PRKAG2: variants seen among roughly 807,000 people sequenced by gnomAD.
PRKAG2 encodes 5'-AMP-activated protein kinase subunit gamma-2.
In PRKAG2, 26 loss-of-function variants were observed where a neutral mutation model predicts 69.6. That is an observed-to-expected ratio of 0.37 (90% CI 0.27 to 0.52). PRKAG2 has a LOEUF of 0.52. Among genes scored for constraint, PRKAG2 ranks in the 20% least tolerant of loss-of-function variants. PRKAG2 has a pLI of 0.90. For missense variants in PRKAG2, 557 were observed against 740.0 expected, an observed-to-expected ratio of 0.75 and a Z score of 2.87; for synonymous variants, 293 against 285.0, an observed-to-expected ratio of 1.03 and a Z score of -0.28.
chr7:151,702,254 A>C (rs529769462), intron 3 of PRKAG2, among the ~76,000 whole-genome samples: 30 of 152,372 alleles, frequency 2.0e-4, no homozygotes, highest in African/African-American at 7.2e-4. Context: ...GGGGTAGCCC[A>C]GTTGCATCTT....
At chr7:151,760,432 C>T (rs1025642365) in intron 3 of PRKAG2, among the ~76,000 whole-genome samples, 2 of 152,164 alleles carry the variant, frequency 1.3e-5, no homozygotes, top group African/African-American at 4.8e-5. Flanking sequence ...CGGGGCTTCA[C>T]CATGTTGGCC....
At chr7:151,580,120 G>T (rs1016513946) in intron 6 of PRKAG2, among the ~76,000 whole-genome samples, 1 of 152,186 alleles carries the variant, frequency 6.6e-6, no homozygotes, top group African/African-American at 2.4e-5. Context: ...AAGGTGGGGG[G>T]ATCACTTGAG....
chr7:151,573,493 A>G (rs1040906367), intron 8 of PRKAG2, among the ~76,000 whole-genome samples: 5 of 150,908 alleles, frequency 3.3e-5, no homozygotes, highest in Admixed American at 6.6e-5. Context: ...ATCTACAGAT[A>G]TTAAGAAAAA....
At chr7:151,726,477 G>A (rs1028009344) in intron 3 of PRKAG2, among the ~76,000 whole-genome samples, 10 of 152,032 alleles carry the variant, frequency 6.6e-5, no homozygotes, top group Middle Eastern at 3.4e-3. Context: ...ATCTTAGTAC[G>A]AGTCCAACAG....
chr7:151,568,306 T>C (rs965179781), intron 11 of PRKAG2, among the ~76,000 whole-genome samples: 4 of 152,188 alleles, frequency 2.6e-5, no homozygotes, highest in African/African-American at 9.7e-5. Context: ...GAGGAAAGCA[T>C]TTTTTGGAAC....
chr7:151,735,184 T>C (rs1451716835), intron 3 of PRKAG2, among the ~76,000 whole-genome samples: 3 of 151,992 alleles, frequency 2.0e-5, no homozygotes, highest in Non-Finnish European at 4.4e-5. Flanking sequence ...AAATCTGACA[T>C]CTAATTTTGA....
At chr7:151,853,212 G>T (rs1226241340) in intron 1 of PRKAG2, among the ~76,000 whole-genome samples, 1 of 152,116 alleles carries the variant, frequency 6.6e-6, no homozygotes, top group Non-Finnish European at 1.5e-5. Context: ...TGTCCCATAG[G>T]CGCAGCACCC....
chr7:151,695,490 G>T (rs138444200), intron 3 of PRKAG2, among the ~76,000 whole-genome samples: 2 of 152,258 alleles, frequency 1.3e-5, no homozygotes, highest in South Asian at 2.1e-4. Context: ...AAACTTTCTC[G>T]TGTGGGTGCC....
chr7:151,760,800 G>A (rs1426428533), intron 3 of PRKAG2, among the ~76,000 whole-genome samples: 1 of 152,168 alleles, frequency 6.6e-6, no homozygotes, highest in Non-Finnish European at 1.5e-5. Context: ...CCCTCCTCCA[G>A]CCCTCTGTCT....
intron 10 of PRKAG2, among the ~76,000 whole-genome samples, chr7:151,569,440 C>A: frequency 1.3e-5 from 2 of 152,274 alleles, no homozygotes; most frequent in South Asian, 4.1e-4. Flanking sequence ...GGCAAGAGAG[C>A]AAAGGCTGTA....
chr7:151,674,902 C>T (rs73481972), intron 4 of PRKAG2: 3,641 of 179,620 alleles, frequency 0.02, 154 homozygotes, highest in African/African-American at 0.081. Flanking sequence ...CCAGATGTTA[C>T]CATTTTTCAT....
At chr7:151,600,234 T>C (rs1815720933) in intron 5 of PRKAG2, among the ~76,000 whole-genome samples, 1 of 152,190 alleles carries the variant, frequency 6.6e-6, no homozygotes, top group Admixed American at 6.5e-5. Context: ...GCAAGAGACA[T>C]CCTTGACAGC....
chr7:151,558,330 T>C, intron 15 of PRKAG2: 1 of 985,424 alleles, frequency 1.0e-6, no homozygotes, highest in South Asian at 4.7e-5. Context: ...TACTGACTAT[T>C]CCATGGACAA....
At chr7:151,725,755 G>T (rs1303032481) in intron 3 of PRKAG2, among the ~76,000 whole-genome samples, 1 of 152,124 alleles carries the variant, frequency 6.6e-6, no homozygotes, top group African/African-American at 2.4e-5. Flanking sequence ...CAGCACCCGG[G>T]GCCCCCAGGG....
chr7:151,620,629 T>C (rs7778109), intron 5 of PRKAG2, among the ~76,000 whole-genome samples: 3,487 of 152,064 alleles, frequency 0.023, 131 homozygotes, highest in African/African-American at 0.079. Flanking sequence ...AGGCATCCGC[T>C]ACCATACCTG....
chr7:151,847,959 C>T (rs1300346517), intron 1 of PRKAG2, among the ~76,000 whole-genome samples: 1 of 152,224 alleles, frequency 6.6e-6, no homozygotes, highest in Non-Finnish European at 1.5e-5. Context: ...CCACAGCAGT[C>T]AGGAAACACT....
At position 151,671,193 on chromosome 7, in the gene PRKAG2, AAAAAAG is replaced by A. The variant is rs1194470473; in HGVS notation, c.684+4221_684+4226del. Reference sequence around the variant, plus strand: ...TCTCAAAAAAAAAAAAAAAAAAAAAAAAAAAGGAGTGCTGTCTTCTAAAGACTAATT... The same window carrying A: ...TCTCAAAAAAAAAAAAAAAAAAAAAAGAGTGCTGTCTTCTAAAGACTAATT... On this transcript the variant is annotated intron_variant, in intron 4 of 15. Coordinates refer to ENST00000287878, the MANE Select transcript of PRKAG2 (RefSeq NM_016203.4). 4.6e-5 allele frequency among the ~76,000 whole-genome samples: 7 copies of A among 151,602 alleles called. No homozygotes were observed. In the East Asian group the frequency reaches 1.2e-3, roughly 25 times the overall value.
chr7:151,751,449 G>T (rs1028135527), intron 3 of PRKAG2, among the ~76,000 whole-genome samples: 69 of 151,608 alleles, frequency 4.6e-4, no homozygotes, highest in African/African-American at 1.7e-3. Flanking sequence ...CAGCTACATG[G>T]TACTCTGCTA....
intron 1 of PRKAG2, among the ~76,000 whole-genome samples, chr7:151,794,297 C>T (rs1401798709): frequency 2.0e-5 from 3 of 152,256 alleles, no homozygotes; most frequent in Admixed American, 2.0e-4. Flanking sequence ...CAAGTAGCTG[C>T]AGAATCCCTG....
Sources: gnomAD v4.1 joint callset for allele counts (sites outside exome capture counted in the v4.1 genomes callset) on GRCh38, gnomAD v4.1.1 for gene constraint, MANE v1.5 for transcripts, NCBI Gene and HGNC (gene_info 2026-07-23, HGNC 2026-07-21) for gene names.